Variants in DNAJC13 observed in about 807,000 individuals in gnomAD.
The protein encoded by DNAJC13 is DnaJ heat shock protein family (Hsp40) member C13.
A neutral mutation model predicts 290.5 loss-of-function variants in DNAJC13; 75 were observed. The observed-to-expected ratio is 0.26, with a 90% CI of 0.21 to 0.31. The LOEUF is 0.31. DNAJC13 is among the 10% of genes least tolerant of loss of function. DNAJC13 has a pLI of 1.00. For synonymous variants in DNAJC13, 862 were observed against 892.0 expected, an observed-to-expected ratio of 0.97 and a Z score of 0.60; for missense variants, 2,260 against 2,674.5, an observed-to-expected ratio of 0.85 and a Z score of 3.42.
chr3:132,531,787 ACT>A (rs1360008990), intron 55 of DNAJC13, among the ~76,000 whole-genome samples: 1 of 148,754 alleles, frequency 6.7e-6, no homozygotes, highest in East Asian at 2.0e-4. Context: ...ACAGAGCAAG[ACT>A]CTGCCTCAAA....
intron 45 of DNAJC13, 151 bp from the exon 46 acceptor site, chr3:132,514,420 A>C (rs893693677): frequency 7.0e-6 from 4 of 568,528 alleles, no homozygotes; most frequent in Non-Finnish European, 1.2e-5. Flanking sequence ...AGAGATTAAT[A>C]AAGGCAATCT....
At chr3:132,460,172 T>G in intron 13 of DNAJC13, 78 bp from the exon 14 acceptor site, 1 of 930,484 alleles carries the variant, frequency 1.1e-6, no homozygotes, top group Non-Finnish European at 1.6e-6. Flanking sequence ...ATGAATACTG[T>G]TTATAAATGA....
chr3:132,471,129 T>C (rs1296981163), intron 20 of DNAJC13, among the ~76,000 whole-genome samples: 26 of 83,656 alleles, frequency 3.1e-4, no homozygotes, highest in Middle Eastern at 0.01. Context: ...GACCCCCCCA[T>C]CTCCCTCCTG....
chr3:132,454,097 C>T lies in DNAJC13; in HGVS notation c.872C>T (p.Pro291Leu). Residue 291 changes from proline to leucine, a missense_variant, in exon 9 of 56, where the codon CCA becomes CTA. Pro to Leu is a moderately conservative substitution (Grantham distance 98). Transcript: ENST00000260818. ...VFALVCDSENPQLFTIEFIKG... is the reference protein window; with the variant it reads ...VFALVCDSENLQLFTIEFIKG... ...GCGTTGGTCTGTGACTCAGAAAATC[C>T]ACAACTTTTTACCATTGAATTTATA... 6.2e-7 allele frequency: 1 copy of T among 1,607,368 alleles called. No homozygotes were observed. The highest frequency in any genetic ancestry group is 8.5e-7 in the Non-Finnish European group (1 of 1,178,052).
chr3:132,479,078 A>G, intron 24 of DNAJC13, 149 bp from the exon 25 acceptor site: 1 of 525,628 alleles, frequency 1.9e-6, no homozygotes, highest in South Asian at 2.9e-5. Context: ...AGGAATTGCA[A>G]TAATTGACAG....
At position 132,480,913 on chromosome 3, in the gene DNAJC13, T is replaced by C. The variant is rs148400664; in HGVS notation, c.2874+443T>C. Among the ~76,000 whole-genome samples the C allele has an allele frequency of 3.7e-4, 56 of 152,342 alleles. No individual in the cohort carries two copies. In the East Asian group the frequency reaches 6.2e-3, roughly 17 times the overall value. On this transcript the variant is annotated intron_variant, in intron 26 of 55. Transcript: ENST00000260818. ...TGATGTTTTTGGTGTTTTAATTTCC[T>C]GATGTAAGGAGATGTGTCATGTTAG...
chr3:132,442,244 G>A (rs1043497777), intron 2 of DNAJC13, among the ~76,000 whole-genome samples: 5 of 151,764 alleles, frequency 3.3e-5, no homozygotes, highest in African/African-American at 7.3e-5. Context: ...TGATCCTCCC[G>A]CCTCGGCCTC....
At chr3:132,444,173 C>T (rs1933169734) in intron 2 of DNAJC13, among the ~76,000 whole-genome samples, 2 of 152,150 alleles carry the variant, frequency 1.3e-5, no homozygotes, top group African/African-American at 4.8e-5. Context: ...TTATGAGAAT[C>T]TAACTCATGC....
chr3:132,511,064 T>G lies in DNAJC13; in HGVS notation c.5116-3T>G, dbSNP rs1349610019. 6.2e-7 allele frequency: 1 copy of G among 1,613,676 alleles called. No individual in the cohort carries two copies. The highest frequency in any genetic ancestry group is 1.7e-5 in the Admixed American group (1 of 59,968). ...TGTTTAAATACTTGTCTGCATTGAT[T>G]AGGTTCCAAAAGCATTTGCTGCAAG... On this transcript the variant is annotated splice_polypyrimidine_tract_variant and splice_region_variant and intron_variant, in intron 43 of 55. Coordinates refer to ENST00000260818, the MANE Select transcript of DNAJC13 (RefSeq NM_015268.4).
rs1559893619 is a variant in DNAJC13, at chr3:132,488,319, A to G, written c.3289A>G (p.Ile1097Val). The G allele has an allele frequency of 6.2e-7, 1 of 1,611,966 alleles. No homozygotes were observed. The highest frequency in any genetic ancestry group is 8.5e-7 in the Non-Finnish European group (1 of 1,179,134). ...IIQLLLTFDPILVEKVAILLY... is the reference protein window; with the variant it reads ...IIQLLLTFDPVLVEKVAILLY... ...TCAGCTACTGCTGACCTTTGACCCTATCCTTGTTGAGAAGGTTGCTATTTT... is the reference window on the plus strand; with the variant it reads ...TCAGCTACTGCTGACCTTTGACCCTGTCCTTGTTGAGAAGGTTGCTATTTT... The change falls in exon 30 of 56, where the codon ATC (isoleucine) becomes GTC (valine). Residue 1097 changes from isoleucine (I) to valine (V), a missense_variant. Transcript: ENST00000260818.
chr3:132,483,529 C>T lies in DNAJC13; in HGVS notation c.3134C>T (p.Thr1045Ile). Residue 1045 changes from threonine to isoleucine, a missense_variant, in exon 28 of 56, where the codon ACC becomes ATC. Transcript: ENST00000260818. ...GTCCTGAATGAAACTGACCTTGCTA[C>T]CCTTATATTGAACATGTTGATCACA... is the stretch of plus-strand genomic sequence containing the variant. ...QAVLNETDLATLILNMLITMC... is the reference protein window; with the variant it reads ...QAVLNETDLAILILNMLITMC... The T allele has an allele frequency of 1.2e-6, 2 of 1,614,064 alleles. No homozygotes were observed. The highest frequency in any genetic ancestry group is 1.1e-5 in the South Asian group (1 of 91,078).
chr3:132,495,132 A>G lies in DNAJC13; in HGVS notation c.3986A>G (p.Gln1329Arg). 1 of 1,613,636 alleles carries G rather than the reference A, an allele frequency of 6.2e-7. No individual in the cohort carries two copies. Among genetic ancestry groups the G allele is most frequent in the Non-Finnish European group, 8.5e-7 (1 of 1,179,618 alleles). The stretch of plus-strand genomic sequence containing the variant: ...AGGAAAGCTTACTTCAGACTTGCAC[A>G]AAAGTACCACCCTGATAAGAATCCA... ...KIRKAYFRLA[Q>R]KYHPDKNPEG... The change falls in exon 35 of 56, where the codon CAA becomes CGA. Residue 1329 changes from glutamine to arginine, a missense_variant. Transcript: ENST00000260818.
At chr3:132,495,206 T>G in intron 35 of DNAJC13, 40 bp downstream of exon 35, 4 of 1,506,842 alleles carry the variant, frequency 2.7e-6, no homozygotes, top group African/African-American at 1.4e-5. Flanking sequence ...GGGCTTCCTC[T>G]TGCTCTATTA....
At position 132,525,852 on chromosome 3, in the gene DNAJC13, G is replaced by A. The variant is rs150640035; in HGVS notation, c.6240+63G>A. On this transcript the variant is annotated intron_variant, in intron 52 of 55. Coordinates refer to ENST00000260818, the MANE Select transcript of DNAJC13 (RefSeq NM_015268.4). ...AATTTATCTATGCTCCCTTCTTGACGGATATAAGTTGTAGTATTATATAAA... is the reference window on the plus strand; with the variant it reads ...AATTTATCTATGCTCCCTTCTTGACAGATATAAGTTGTAGTATTATATAAA... 9.6e-5 allele frequency: 147 copies of A among 1,529,236 alleles called. 1 individual carries two copies. In the East Asian group the frequency reaches 2.0e-3, roughly 21 times the overall value. 94.7% of individuals were successfully genotyped at this position (1,529,236 alleles called of 1,614,324 possible). A position where few individuals can be genotyped will look rare whatever the true frequency, so the allele number is the denominator to read the frequency against.
intron 26 of DNAJC13, among the ~76,000 whole-genome samples, chr3:132,481,407 G>A (rs1470662846): frequency 6.6e-6 from 1 of 152,032 alleles, no homozygotes; most frequent in African/African-American, 2.4e-5. Context: ...AAGCAAATTG[G>A]CAAAACCTGT....
chr3:132,505,245 G>A, intron 41 of DNAJC13, 57 bp from the exon 42 acceptor site: 1 of 1,095,398 alleles, frequency 9.1e-7, no homozygotes. Flanking sequence ...TTTAATAAGT[G>A]ATAATGTCAA....
At chr3:132,456,627 A>G (rs751386262) in intron 11 of DNAJC13, 36 bp from the exon 12 acceptor site, 8 of 1,612,886 alleles carry the variant, frequency 5.0e-6, no homozygotes, top group Admixed American at 3.3e-5. Context: ...AACTTTTGGT[A>G]TGGAAACTTT....
intron 41 of DNAJC13, among the ~76,000 whole-genome samples, chr3:132,503,788 T>C (rs1386685899): frequency 2.6e-5 from 4 of 152,154 alleles, no homozygotes; most frequent in Admixed American, 6.5e-5. Context: ...AATACATACA[T>C]GCACATATAC....
chr3:132,421,251 GA>G (rs1310500769), intron 1 of DNAJC13, among the ~76,000 whole-genome samples: 1 of 152,138 alleles, frequency 6.6e-6, no homozygotes, highest in Admixed American at 6.5e-5. Context: ...TTAGTGTTGG[GA>G]CAGAATCACT....
Sources: gnomAD v4.1 joint callset for allele counts (sites outside exome capture counted in the v4.1 genomes callset) on GRCh38, gnomAD v4.1.1 for gene constraint, MANE v1.5 for transcripts, NCBI Gene and HGNC (gene_info 2026-07-23, HGNC 2026-07-21) for gene names.